Variants in RBPJ observed in about 807,000 individuals in gnomAD.
RBPJ encodes recombining binding protein suppressor of hairless.
Under a neutral mutation model 67.8 loss-of-function variants are expected in RBPJ, and 9 were observed. The observed-to-expected ratio is 0.13, with a 90% CI of 0.08 to 0.23. RBPJ has a LOEUF of 0.23. Ranked by LOEUF, RBPJ falls within the 10% of genes least tolerant of loss-of-function variation. RBPJ has a pLI of 1.00. For synonymous variants in RBPJ, 198 were observed against 203.3 expected (o/e 0.97, Z 0.22); for missense variants, 305 against 595.6 (o/e 0.51, Z 5.08).
chr4:26,389,003 CTT>C (rs1731213093), intron 2 of RBPJ, among the ~76,000 whole-genome samples: 1 of 152,086 alleles, frequency 6.6e-6, no homozygotes, highest in Non-Finnish European at 1.5e-5. Flanking sequence ...GGGCAGATCT[CTT>C]GAGCTTAGGA....
intron 1 of RBPJ, among the ~76,000 whole-genome samples, chr4:26,273,927 G>A (rs1721000438): frequency 6.6e-6 from 1 of 152,200 alleles, no homozygotes; most frequent in Non-Finnish European, 1.5e-5. Context: ...TCCTGGAGGT[G>A]TCTGTGTCTT....
At position 26,433,036 on chromosome 4, in the gene RBPJ, T is replaced by C. The variant is rs1055135143; in HGVS notation, c.*2029T>C. 5.6e-4 allele frequency: 85 copies of C among 152,236 alleles called. No individual in the cohort carries two copies. Among genetic ancestry groups the C allele is most frequent in the African/African-American group, 2.0e-3 (84 of 41,546 alleles). The allele number at this position is 152,236 out of a possible 1,614,324, so 9.4% of individuals were successfully genotyped here. On this transcript the variant is annotated 3_prime_UTR_variant, in exon 11 of 11. Transcript: ENST00000355476. ...TAGGTGGTTAAATCAGTTATTGCGG[T>C]TTTCTCTTACTGCAAGCCTTTTTAA...
intron 1 of RBPJ, among the ~76,000 whole-genome samples, chr4:26,339,439 GC>G (rs1426608360): frequency 6.6e-6 from 1 of 152,078 alleles, no homozygotes; most frequent in Non-Finnish European, 1.5e-5. Context: ...TTCGAGACTA[GC>G]CTGGCCGACA....
In RBPJ at chr4:26,424,347, A is replaced by G; in HGVS notation, c.502A>G (p.Ile168Val). 6 of 1,613,676 alleles carry G rather than the reference A, an allele frequency of 3.7e-6. No homozygotes were observed. The highest frequency in any genetic ancestry group is 5.1e-6 in the Non-Finnish European group (6 of 1,179,980). Residue 168 changes from isoleucine to valine, a missense_variant, in exon 6 of 11, where the codon ATT (isoleucine) becomes GTT (valine). Physicochemically the swap from Ile to Val is conservative, Grantham distance 29. Transcript: ENST00000355476. This position sits in a 1 kb window ranked among gnomAD's most constrained non-coding sequence, Gnocchi z 5.3. ...GAGCTGTTTTTTCTTTGCAGTATGC[A>G]TTGCCTCAGGAACAAAGGTGGCTCT... ...KQSLKNADLCIASGTKVALFN... is the reference protein window; with the variant it reads ...KQSLKNADLCVASGTKVALFN...
At chr4:26,261,345 T>TA (rs111492279) in intron 1 of RBPJ, among the ~76,000 whole-genome samples, 3 of 149,386 alleles carry the variant, frequency 2.0e-5, no homozygotes, top group South Asian at 2.1e-4. Context: ...AGGTAGAGGT[T>TA]AAAAAAAAAG....
Position 26,430,851 on chromosome 4 carries a change from G to A in RBPJ, c.1308G>A (p.Gly436=), listed in dbSNP as rs1422899632. Residue 436 remains glycine, a synonymous_variant, in exon 11 of 11, where the codon GGG becomes GGA. Coordinates refer to ENST00000355476, the MANE Select transcript of RBPJ (RefSeq NM_015874.6). This position sits in a 1 kb window ranked among gnomAD's most constrained non-coding sequence, Gnocchi z 4.1. ...SLTFTYTPEP[G]PRPHCSAAGA... ...CCTTTACCTACACACCAGAACCAGGGCCGCGGCCACATTGCAGTGCAGCAG... is the reference window on the plus strand; with the variant it reads ...CCTTTACCTACACACCAGAACCAGGACCGCGGCCACATTGCAGTGCAGCAG... 1.9e-6 allele frequency: 3 copies of A among 1,613,954 alleles called. No individual in the cohort carries two copies. The highest frequency in any genetic ancestry group is 2.2e-5 in the East Asian group (1 of 44,868).
chr4:26,108,824 T>G, the RBPJ span, among the ~76,000 whole-genome samples: 1 of 152,220 alleles, frequency 6.6e-6, no homozygotes, highest in Non-Finnish European at 1.5e-5. Context: ...ACTCCACTGT[T>G]GAAAGCTATG....
chr4:26,360,595 C>CTTTTT (rs11393982), intron 1 of RBPJ, among the ~76,000 whole-genome samples: 1 of 133,754 alleles, frequency 7.5e-6, no homozygotes, highest in African/African-American at 2.8e-5. Context: ...TTCATAGGTG[C>CTTTTT]TTTTTTTTTT....
rs766217969 is a variant in RBPJ at position 26,420,634 on chromosome 4, C to T, written c.405C>T (p.Gly135=). 77 of 1,613,716 alleles carry T rather than the reference C, an allele frequency of 4.8e-5. No homozygotes were observed. Among genetic ancestry groups the T allele is most frequent in the Admixed American group, 2.0e-4 (12 of 60,000 alleles). ...TGTTGTCTGTAAAGATGTTCTATGG[C>T]AACAGTGATGACATTGGTGTGTTCC... The part of the protein sequence containing the change: ...HFMLSVKMFY[G]NSDDIGVFLS... The change falls in exon 5 of 11, where the codon GGC becomes GGT. Residue 135 remains glycine (G), a synonymous_variant. Transcript: ENST00000355476.
At chr4:26,241,503 T>G (rs1560224508) in intron 1 of RBPJ, among the ~76,000 whole-genome samples, 1 of 151,988 alleles carries the variant, frequency 6.6e-6, no homozygotes, top group Non-Finnish European at 1.5e-5. Context: ...TTTTTTTTCT[T>G]TTTTGTTTTT....
upstream of RBPJ, among the ~76,000 whole-genome samples, chr4:26,160,161 G>T (rs1716051257): frequency 1.3e-5 from 2 of 151,962 alleles, no homozygotes; most frequent in African/African-American, 4.8e-5. Context: ...CTCGTGATCT[G>T]CCCGCCTCGG....
intron 1 of RBPJ, among the ~76,000 whole-genome samples, chr4:26,361,190 G>T (rs1299399048): frequency 1.3e-5 from 2 of 151,942 alleles, no homozygotes; most frequent in African/African-American, 4.8e-5. Flanking sequence ...TACAGGCAGA[G>T]ATTTCACTGG....
At chr4:26,357,080 G>A (rs1219450530) in intron 1 of RBPJ, among the ~76,000 whole-genome samples, 1 of 152,186 alleles carries the variant, frequency 6.6e-6, no homozygotes, top group Non-Finnish European at 1.5e-5. Flanking sequence ...GAGCCCAAAA[G>A]GGTAGGTTAG....
In RBPJ at chr4:26,432,398, T is replaced by G. The variant is rs1372737699; in HGVS notation, c.*1391T>G. On this transcript the variant is annotated 3_prime_UTR_variant, in exon 11 of 11. Transcript: ENST00000355476. ...AATGTAACTTATGTTTTCATTTTTT[T>G]CTCTGCCTTTTTTGTTTGTTTGTTT... is the stretch of plus-strand genomic sequence containing the variant. 6.6e-6 allele frequency: 1 copy of G among 152,218 alleles called. No homozygotes were observed. Among genetic ancestry groups the G allele is most frequent in the Non-Finnish European group, 1.5e-5 (1 of 68,036 alleles). The allele number at this position is 152,218 out of a possible 1,614,324, so 9.4% of individuals were successfully genotyped here.
chr4:26,140,883 T>A, the RBPJ span, among the ~76,000 whole-genome samples: 1 of 136,392 alleles, frequency 7.3e-6, no homozygotes. Context: ...TTTGCAATAT[T>A]TGAGAATGGC....
intron 1 of RBPJ, among the ~76,000 whole-genome samples, chr4:26,329,661 G>C (rs181140731): frequency 2.0e-5 from 3 of 152,092 alleles, no homozygotes; most frequent in Non-Finnish European, 1.5e-5. Context: ...TTGGGAGGCC[G>C]AGGCGGGCGG....
intron 2 of RBPJ, among the ~76,000 whole-genome samples, chr4:26,397,455 A>G (rs897054842): frequency 1.3e-5 from 2 of 152,200 alleles, no homozygotes; most frequent in African/African-American, 2.4e-5. Flanking sequence ...CAGCCGTGCA[A>G]TATACTTAAT....
In RBPJ at chr4:26,370,847, G is replaced by A. The variant is rs180715551; in HGVS notation, c.21-15506G>A. Among the ~76,000 whole-genome samples, 98 of 152,130 alleles carry A rather than the reference G, an allele frequency of 6.4e-4. 1 individual carries two copies. The highest frequency in any genetic ancestry group is 1.8e-4 in the Non-Finnish European group (12 of 67,994). ...TGTAATCCCAGCACTTTGGGAGACC[G>A]AGGCCGGCAGATCACGAGATAAGGA... On this transcript the variant is annotated intron_variant, in intron 1 of 10. Coordinates refer to ENST00000355476, the MANE Select transcript of RBPJ (RefSeq NM_015874.6).
chr4:26,409,444 G>T (rs1485449961), intron 3 of RBPJ, among the ~76,000 whole-genome samples: 3 of 151,998 alleles, frequency 2.0e-5, no homozygotes, highest in Non-Finnish European at 4.4e-5. Flanking sequence ...GAGCTGTAGT[G>T]GTTTGTCAAG....
Sources: gnomAD v4.1 joint callset for allele counts (sites outside exome capture counted in the v4.1 genomes callset) on GRCh38, gnomAD v4.1.1 for gene constraint, Gnocchi (gnomAD v3.1) non-coding constraint, MANE v1.5 for transcripts, NCBI Gene and HGNC (gene_info 2026-07-23, HGNC 2026-07-21) for gene names.